Variants in FAM83F observed in about 807,000 individuals in gnomAD.
FAM83F encodes scaffolding CK1 anchoring protein F, also known as protein FAM83F.
FAM83F carries 45 observed loss-of-function variants against 42.9 expected under a neutral mutation model. The ratio of observed to expected loss-of-function variants is 1.05; its 90% CI spans 0.83 to 1.35. FAM83F has a LOEUF of 1.35. FAM83F is among the 40% of genes most tolerant of loss of function. The pLI is 0.00. For synonymous variants in FAM83F, 306 were observed against 298.3 expected (o/e 1.03, Z -0.27); for missense variants, 617 against 695.9 (o/e 0.89, Z 1.28).
rs931142174 is a variant in FAM83F at position 40,021,441 on chromosome 22, G to A, written c.931G>A (p.Gly311Ser). ...YRQLSLAGRV[G>S]LHYSSTVARK... ...GCAGCTGAGCCTGGCGGGCAGGGTT[G>A]GCCTCCATTACTCCTCCACTGTGGC... Residue 311 changes from glycine (G) to serine (S), a missense_variant, in exon 4 of 5, where the codon GGC becomes AGC. Transcript: ENST00000333407. This position sits in a 1 kb window ranked among gnomAD's most constrained non-coding sequence, Gnocchi z 8.7. 1 of 1,613,160 alleles carries A rather than the reference G, an allele frequency of 6.2e-7. No homozygotes were observed. The highest frequency in any genetic ancestry group is 1.3e-5 in the African/African-American group (1 of 74,922).
chr22:39,995,794 C>A lies in FAM83F; in HGVS notation c.489+263C>A, dbSNP rs2067371508. 6.6e-6 allele frequency among the ~76,000 whole-genome samples: 1 copy of A among 152,226 alleles called. No individual in the cohort carries two copies. The highest frequency in any genetic ancestry group is 2.4e-5 in the African/African-American group (1 of 41,464). On this transcript the variant is annotated intron_variant, in intron 1 of 4. Coordinates refer to ENST00000333407, the MANE Select transcript of FAM83F (RefSeq NM_138435.4). This position sits in a 1 kb window ranked among gnomAD's most constrained non-coding sequence, Gnocchi z 4.6. ...GAGGCACTGGCTCTGCTCTGTACTTCTGAAACTTCCCTGTCCAGCCTTCCT... is the reference window on the plus strand; with the variant it reads ...GAGGCACTGGCTCTGCTCTGTACTTATGAAACTTCCCTGTCCAGCCTTCCT...
chr22:40,007,181 T>C (rs1340377243), intron 1 of FAM83F, among the ~76,000 whole-genome samples: 3 of 148,536 alleles, frequency 2.0e-5, no homozygotes, highest in Non-Finnish European at 3.0e-5. Context: ...GTGGGGGTCT[T>C]GCAGCAGGAG....
rs1164368178 is a variant in FAM83F at position 40,036,600 on chromosome 22, A to G, written c.*7035A>G. ...AGAGCATGTCCGGAGAAGTCTGCCA[A>G]CCCTTCTCCAGGCCATGGGGCTTCC... is the stretch of plus-strand genomic sequence containing the variant. On this transcript the variant is annotated 3_prime_UTR_variant, in exon 5 of 5. Transcript: ENST00000333407. 6.6e-6 allele frequency: 1 copy of G among 152,196 alleles called. No homozygotes were observed. Among genetic ancestry groups the G allele is most frequent in the Non-Finnish European group, 1.5e-5 (1 of 68,022 alleles). 9.4% of individuals were successfully genotyped at this position (152,196 alleles called of 1,614,324 possible).
intron 4 of FAM83F, among the ~76,000 whole-genome samples, chr22:40,026,968 G>A (rs919780263): frequency 6.6e-6 from 1 of 152,156 alleles, no homozygotes; most frequent in Admixed American, 6.5e-5. Flanking sequence ...TAAGTAGCTC[G>A]CCGTTGCTGT....
intron 4 of FAM83F, among the ~76,000 whole-genome samples, chr22:40,025,384 A>C (rs1399540190): frequency 6.6e-6 from 1 of 152,068 alleles, no homozygotes; most frequent in Admixed American, 6.6e-5. Flanking sequence ...GTGCCACTGC[A>C]CTCCAGTCTG....
Position 40,032,976 on chromosome 22 carries a change from G to A in FAM83F, c.*3411G>A, listed in dbSNP as rs1391938623. On this transcript the variant is annotated 3_prime_UTR_variant, in exon 5 of 5. Coordinates refer to ENST00000333407, the MANE Select transcript of FAM83F (RefSeq NM_138435.4). ...ATGCTAGATGCTTTAGTAACATGAAGGTTTCAAACTAAGAAAAGCTCAACA... is the reference window on the plus strand; with the variant it reads ...ATGCTAGATGCTTTAGTAACATGAAAGTTTCAAACTAAGAAAAGCTCAACA... The A allele has an allele frequency of 6.6e-6, 1 of 152,178 alleles. No individual in the cohort carries two copies. The highest frequency in any genetic ancestry group is 2.4e-5 in the African/African-American group (1 of 41,440). The allele number at this position is 152,178 out of a possible 1,614,324, so 9.4% of individuals were successfully genotyped here.
chr22:40,024,425 G>A (rs2067539324), intron 4 of FAM83F, among the ~76,000 whole-genome samples: 1 of 152,236 alleles, frequency 6.6e-6, no homozygotes, highest in African/African-American at 2.4e-5. Context: ...GTGTGAGAAG[G>A]TGGGCCCCTG....
At chr22:40,018,679 G>A (rs367626453) in intron 1 of FAM83F, among the ~76,000 whole-genome samples, 72 of 148,860 alleles carry the variant, frequency 4.8e-4, no homozygotes, top group African/African-American at 1.8e-3. Context: ...TGCAAACTCT[G>A]CCTCCAGGTT....
intron 1 of FAM83F, among the ~76,000 whole-genome samples, chr22:39,996,169 C>T (rs563736500): frequency 3.0e-4 from 46 of 152,290 alleles, no homozygotes; most frequent in Non-Finnish European, 6.0e-4. Flanking sequence ...CAGCAGGTCA[C>T]CTGACTCGGC....
chr22:40,029,776 C>A lies in FAM83F; in HGVS notation c.*211C>A. 1.5e-6 allele frequency: 1 copy of A among 662,612 alleles called. No individual in the cohort carries two copies. Among genetic ancestry groups the A allele is most frequent in the Non-Finnish European group, 2.5e-6 (1 of 405,650 alleles). 41.0% of individuals were successfully genotyped at this position (662,612 alleles called of 1,614,324 possible). A position where few individuals can be genotyped will look rare whatever the true frequency, so the allele number is the denominator to read the frequency against. ...CACGCCTCCACCGGACTGTCGGTGG[C>A]TGGGCAGGGGTCAGTGCCACGGCCT... On this transcript the variant is annotated 3_prime_UTR_variant, in exon 5 of 5. Transcript: ENST00000333407.
intron 1 of FAM83F, among the ~76,000 whole-genome samples, chr22:40,004,620 A>G (rs879323809): frequency 3.3e-5 from 5 of 151,862 alleles, no homozygotes; most frequent in Non-Finnish European, 5.9e-5. Flanking sequence ...TATTTTTAGT[A>G]GAGATGGGGT....
chr22:40,020,094 A>G (rs1468895669), intron 3 of FAM83F, 86 bp downstream of exon 3: 5 of 1,521,238 alleles, frequency 3.3e-6, no homozygotes, highest in Non-Finnish European at 3.5e-6. Context: ...AGCCTCCGTC[A>G]TCATGAGTGT....
rs754625979 is a variant in FAM83F at position 40,013,082 on chromosome 22, CAAAAAAAAAAAA to C, written c.490-6072_490-6061del. 1.7e-3 allele frequency among the ~76,000 whole-genome samples: 80 copies of C among 46,412 alleles called. No individual in the cohort carries two copies. The East Asian group carries it at 0.018, about 10-fold the overall frequency. The allele number at this position is 46,412 out of a possible 152,430, so 30.4% of individuals were successfully genotyped here. Reference sequence around the variant, plus strand: ...TGGGCGACAGAGCGAGACTCCGTTTCAAAAAAAAAAAAAAAAAAAAAAAAAGACTGCTCCTTT... The same window carrying C: ...TGGGCGACAGAGCGAGACTCCGTTTCAAAAAAAAAAAAAGACTGCTCCTTT... On this transcript the variant is annotated intron_variant, in intron 1 of 4. Transcript: ENST00000333407.
chr22:40,003,566 C>T (rs1485382689), intron 1 of FAM83F, among the ~76,000 whole-genome samples: 1 of 151,944 alleles, frequency 6.6e-6, no homozygotes, highest in Non-Finnish European at 1.5e-5. Flanking sequence ...TCCTGAGCCA[C>T]CCCCAAGGCT....
rs550468973 is a variant in FAM83F, at chr22:40,041,300, C to T, written c.*11735C>T. The T allele has an allele frequency of 2.0e-5, 3 of 152,264 alleles. No individual in the cohort carries two copies. The East Asian group carries it at 5.8e-4, about 29-fold the overall frequency. 9.4% of individuals were successfully genotyped at this position (152,264 alleles called of 1,614,324 possible). A position where few individuals can be genotyped will look rare whatever the true frequency, so the allele number is the denominator to read the frequency against. On this transcript the variant is annotated 3_prime_UTR_variant, in exon 5 of 5. Coordinates refer to ENST00000333407, the MANE Select transcript of FAM83F (RefSeq NM_138435.4). ...TGAAAGCTGGGTGGGTTGGAACAAA[C>T]AAACAGAAAAATATTTTCCCCAAGT...
rs567040145 is a variant in FAM83F at position 40,030,074 on chromosome 22, C to T, written c.*509C>T. 2 of 157,356 alleles carry T rather than the reference C, an allele frequency of 1.3e-5. No individual in the cohort carries two copies. Among genetic ancestry groups the T allele is most frequent in the East Asian group, 3.8e-4 (2 of 5,242 alleles). 9.7% of individuals were successfully genotyped at this position (157,356 alleles called of 1,614,324 possible). A position where few individuals can be genotyped will look rare whatever the true frequency, so the allele number is the denominator to read the frequency against. ...TTCCAGTCTTTCTCTAGCCTCTGAA[C>T]TCCAGATGTAAGGTGCAGCTGGAAC... On this transcript the variant is annotated 3_prime_UTR_variant, in exon 5 of 5. Coordinates refer to ENST00000333407, the MANE Select transcript of FAM83F (RefSeq NM_138435.4).
chr22:40,031,065 G>C lies in FAM83F; in HGVS notation c.*1500G>C, dbSNP rs1037232123. ...CAGTGGGGAGGGGAAGGGAAAGGAA[G>C]GGTGAGCCTGTCCCCAGGGTCTTCT... On this transcript the variant is annotated 3_prime_UTR_variant, in exon 5 of 5. Coordinates refer to ENST00000333407, the MANE Select transcript of FAM83F (RefSeq NM_138435.4). The C allele has an allele frequency of 6.6e-6, 1 of 152,274 alleles. No homozygotes were observed. The highest frequency in any genetic ancestry group is 2.4e-5 in the African/African-American group (1 of 41,448). The allele number at this position is 152,274 out of a possible 1,614,324, so 9.4% of individuals were successfully genotyped here.
intron 1 of FAM83F, among the ~76,000 whole-genome samples, chr22:40,016,293 C>A (rs1055819796): frequency 6.6e-6 from 1 of 152,226 alleles, no homozygotes; most frequent in South Asian, 2.1e-4. Flanking sequence ...GCCTCAACCT[C>A]ATAGGCTCAA....
At chr22:40,000,559 A>G (rs1364632981) in intron 1 of FAM83F, among the ~76,000 whole-genome samples, 1 of 152,210 alleles carries the variant, frequency 6.6e-6, no homozygotes. Flanking sequence ...CGCCTTCTCC[A>G]TACCAGGCAC....
Sources: allele counts gnomAD v4.1 joint callset (sites outside exome capture counted in the v4.1 genomes callset), GRCh38; gene constraint gnomAD v4.1.1; non-coding constraint Gnocchi (gnomAD v3.1); transcripts MANE v1.5; gene names NCBI Gene and HGNC (gene_info 2026-07-23, HGNC 2026-07-21).